PCDHGA5: variants seen among roughly 807,000 people sequenced by gnomAD.
PCDHGA5 encodes protocadherin gamma-A5.
Under a neutral mutation model 56.7 loss-of-function variants are expected in PCDHGA5, and 36 were observed. The observed-to-expected ratio is 0.64, with a 90% confidence interval of 0.49 to 0.84. PCDHGA5 has a LOEUF of 0.84. Ranked by LOEUF, PCDHGA5 falls within the 40% of genes least tolerant of loss-of-function variation. PCDHGA5 has a pLI of 0.00. For missense variants in PCDHGA5, 1,305 were observed against 1,201.5 expected (o/e 1.09, Z -1.27); for synonymous variants, 563 against 520.2 (o/e 1.08, Z -1.12).
intron 1 of PCDHGA5, chr5:141,427,900 C>T (rs1351712272): frequency 2.5e-6 from 4 of 1,571,732 alleles, no homozygotes; most frequent in Non-Finnish European, 3.5e-6. Flanking sequence ...GGCTCGCCCG[C>T]GCTCAGCGCC....
At position 141,389,005 on chromosome 5, in the gene PCDHGA5, C is replaced by T. The variant is rs757594459; in HGVS notation, c.2421+22254C>T. 81 of 1,613,780 alleles carry T rather than the reference C, an allele frequency of 5.0e-5. No individual in the cohort carries two copies. Among genetic ancestry groups the T allele is most frequent in the Non-Finnish European group, 6.7e-5 (79 of 1,179,858 alleles). On this transcript the variant is annotated intron_variant, in intron 1 of 3. Transcript: ENST00000518069. The stretch of plus-strand genomic sequence containing the variant: ...TTGCTCAAAGTCCGTGACAAGGATT[C>T]CAGACACAATGGAGAAGTGACTTGT...
At chr5:141,434,070 T>C (rs1004240895) in intron 1 of PCDHGA5, among the ~76,000 whole-genome samples, 3 of 152,226 alleles carry the variant, frequency 2.0e-5, no homozygotes, top group Non-Finnish European at 2.9e-5. Context: ...TCTGTTAATA[T>C]CAATTATTTA....
chr5:141,387,885 A>G, intron 1 of PCDHGA5: 2 of 1,578,800 alleles, frequency 1.3e-6, no homozygotes, highest in Non-Finnish European at 1.7e-6. Context: ...AGCAAGAGGG[A>G]TGGGGAGCGG....
At chr5:141,370,800 A>G (rs1767214052) in intron 1 of PCDHGA5, 1 of 1,614,026 alleles carries the variant, frequency 6.2e-7, no homozygotes, top group African/African-American at 1.3e-5. Context: ...CTTTAGCCAA[A>G]ATATCACTGA....
rs546656566 is a variant in PCDHGA5, at chr5:141,389,499, G to C, written c.2421+22748G>C. 10 of 1,613,058 alleles carry C rather than the reference G, an allele frequency of 6.2e-6. No homozygotes were observed. The African/African-American group carries it at 1.1e-4, about 17-fold the overall frequency. On this transcript the variant is annotated intron_variant, in intron 1 of 3. Coordinates refer to ENST00000518069, the MANE Select transcript of PCDHGA5 (RefSeq NM_018918.3). ...GCAGGCCCGCGACCAGGGCTCGCCA[G>C]CGCTCAGCGCGAACGTGAGCCTGCG... is the stretch of plus-strand genomic sequence containing the variant.
intron 1 of PCDHGA5, among the ~76,000 whole-genome samples, chr5:141,454,649 G>A (rs1202153817): frequency 6.6e-6 from 1 of 151,800 alleles, no homozygotes; most frequent in Non-Finnish European, 1.5e-5. Context: ...CAGGTGATCT[G>A]CCCACCTCGG....
intron 1 of PCDHGA5, among the ~76,000 whole-genome samples, chr5:141,373,486 G>A (rs1769628161): frequency 1.3e-5 from 2 of 152,192 alleles, no homozygotes; most frequent in Non-Finnish European, 2.9e-5. Flanking sequence ...TTGTGCCCCT[G>A]CACTCTAGCC....
Position 141,364,707 on chromosome 5 carries a change from T to C in PCDHGA5, c.377T>C (p.Ile126Thr). 9 of 1,613,986 alleles carry C rather than the reference T, an allele frequency of 5.6e-6. No homozygotes were observed. Among genetic ancestry groups the C allele is most frequent in the Non-Finnish European group, 7.6e-6 (9 of 1,179,894 alleles). ...IYGVEVEIID[I>T]NDNFPRFRDE... The stretch of plus-strand genomic sequence containing the variant: ...GGAGTAGAAGTAGAAATAATCGATA[T>C]TAATGATAACTTCCCGCGTTTCCGG... The change falls in exon 1 of 4, where the codon ATT becomes ACT. Residue 126 changes from isoleucine to threonine, a missense_variant. Transcript: ENST00000518069.
rs775854228 is a variant in PCDHGA5 at position 141,364,725 on chromosome 5, G to T, written c.395G>T (p.Arg132Leu). 4 of 1,613,828 alleles carry T rather than the reference G, an allele frequency of 2.5e-6. No individual in the cohort carries two copies. The highest frequency in any genetic ancestry group is 1.3e-5 in the African/African-American group (1 of 74,944). The change falls in exon 1 of 4, where the codon CGT becomes CTT. Residue 132 changes from arginine (R) to leucine (L), a missense_variant. Physicochemically the swap from Arg to Leu is moderately radical, Grantham distance 102. Transcript: ENST00000518069. ...EIIDINDNFP[R>L]FRDEELKVKV... ...ATCGATATTAATGATAACTTCCCGC[G>T]TTTCCGGGATGAAGAGTTAAAAGTA...
chr5:141,389,443 A>G (rs2091769935), intron 1 of PCDHGA5: 1 of 1,610,442 alleles, frequency 6.2e-7, no homozygotes, highest in Non-Finnish European at 8.5e-7. Context: ...GCCTTCGACC[A>G]CGAGCAGCTG....
rs754836894 is a variant in PCDHGA5, at chr5:141,432,969, C to A, written c.2422-61838C>A. 6.2e-7 allele frequency: 1 copy of A among 1,614,148 alleles called. No individual in the cohort carries two copies. Among genetic ancestry groups the A allele is most frequent in the East Asian group, 2.2e-5 (1 of 44,852 alleles). ...GGAGGCGGCTTGACAGGAGCGCCGG[C>A]GTCGCACTTTGTGGGCGTGGACGGG... is the stretch of plus-strand genomic sequence containing the variant. On this transcript the variant is annotated intron_variant, in intron 1 of 3. Coordinates refer to ENST00000518069, the MANE Select transcript of PCDHGA5 (RefSeq NM_018918.3). This position sits in a 1 kb window ranked among gnomAD's most constrained non-coding sequence, Gnocchi z 6.0.
At chr5:141,481,618 G>C (rs1339565594) in intron 1 of PCDHGA5, among the ~76,000 whole-genome samples, 1 of 152,142 alleles carries the variant, frequency 6.6e-6, no homozygotes, top group African/African-American at 2.4e-5. Context: ...AGGAGTTCAA[G>C]ACCGGCCTGG....
At chr5:141,393,017 C>T (rs1192044321) in intron 1 of PCDHGA5, 2 of 1,613,754 alleles carry the variant, frequency 1.2e-6, no homozygotes, top group Non-Finnish European at 1.7e-6. Context: ...GTATCGTCTC[C>T]AGAGGTAGGA....
Position 141,476,735 on chromosome 5 carries a change from G to C in PCDHGA5, c.2422-18072G>C, listed in dbSNP as rs1267556668. The C allele has an allele frequency of 6.2e-7, 1 of 1,613,974 alleles. No individual in the cohort carries two copies. Among genetic ancestry groups the C allele is most frequent in the African/African-American group, 1.3e-5 (1 of 74,940 alleles). On this transcript the variant is annotated intron_variant, in intron 1 of 3. Coordinates refer to ENST00000518069, the MANE Select transcript of PCDHGA5 (RefSeq NM_018918.3). This position sits in a 1 kb window ranked among gnomAD's most constrained non-coding sequence, Gnocchi z 7.6. ...GGAGCGCGCCCTGGACCGAGAACGG[G>C]AGCCTAGTCTCCAGTTAGTGCTGAC...
chr5:141,400,713 T>G (rs1225008709), intron 1 of PCDHGA5: 1 of 686,914 alleles, frequency 1.5e-6, no homozygotes, highest in Admixed American at 3.0e-5. Flanking sequence ...GAAGTAGCCT[T>G]ATAGATTTAC....
intron 1 of PCDHGA5, chr5:141,371,393 A>G (rs1227716102): frequency 5.6e-6 from 9 of 1,613,910 alleles, no homozygotes; most frequent in Admixed American, 5.0e-5. Flanking sequence ...ATTGTAAAGT[A>G]CAGATAGATA....
intron 1 of PCDHGA5, among the ~76,000 whole-genome samples, chr5:141,436,221 G>C (rs1468526543): frequency 6.6e-6 from 1 of 152,004 alleles, no homozygotes; most frequent in African/African-American, 2.4e-5. Context: ...CAAATGACTT[G>C]GGAAACTAAG....
chr5:141,477,992 G>T lies in PCDHGA5; in HGVS notation c.2422-16815G>T. The T allele has an allele frequency of 6.2e-7, 1 of 1,614,108 alleles. No individual in the cohort carries two copies. Among genetic ancestry groups the T allele is most frequent in the Non-Finnish European group, 8.5e-7 (1 of 1,180,024 alleles). On this transcript the variant is annotated intron_variant, in intron 1 of 3. Transcript: ENST00000518069. The surrounding 1 kb of genome is among the most constrained non-coding windows in gnomAD (Gnocchi z 4.9). Reference sequence around the variant, plus strand: ...CCTTTTTGCCATAGGGCTGCACACTGGTCAAATCAGTACTGCCCGTCCAGT... The same window carrying T: ...CCTTTTTGCCATAGGGCTGCACACTTGTCAAATCAGTACTGCCCGTCCAGT...
At chr5:141,428,117 G>T in intron 1 of PCDHGA5, 2 of 1,607,102 alleles carry the variant, frequency 1.2e-6, no homozygotes, top group East Asian at 2.2e-5. Context: ...AGGCCATCGA[G>T]CCCGGGCTTT....
Sources: allele counts gnomAD v4.1 joint callset (sites outside exome capture counted in the v4.1 genomes callset), GRCh38; gene constraint gnomAD v4.1.1; non-coding constraint Gnocchi (gnomAD v3.1); transcripts MANE v1.5; gene names NCBI Gene and HGNC (gene_info 2026-07-23, HGNC 2026-07-21).